GLG1: variants seen among roughly 807,000 people sequenced by gnomAD.
GLG1 encodes Golgi apparatus protein 1.
A neutral mutation model predicts 160.5 loss-of-function variants in GLG1; 38 were observed. The observed-to-expected ratio is 0.24, with a 90% CI of 0.18 to 0.31. The LOEUF (loss-of-function observed/expected upper bound fraction) is 0.31, where lower values mean the gene tolerates loss of function less well. Ranked by LOEUF, GLG1 falls within the 10% of genes least tolerant of loss-of-function variation. The probability of loss-of-function intolerance (pLI) is 1.00; values close to 1 mark genes in which losing one functional copy is unlikely to be tolerated. For synonymous variants in GLG1, 644 were observed against 543.4 expected, an observed-to-expected ratio of 1.19 and a Z score of -2.57; for missense variants, 1,373 against 1,505.2, an observed-to-expected ratio of 0.91 and a Z score of 1.45.
chr16:74,455,247 T>A (rs2014489166), intron 25 of GLG1, among the ~76,000 whole-genome samples: 1 of 152,116 alleles, frequency 6.6e-6, no homozygotes, highest in African/African-American at 2.4e-5. Flanking sequence ...TTCTTTTGCA[T>A]CCCAGCCTGG....
chr16:74,449,268 C>T lies in GLG1; in HGVS notation c.*3899G>A, dbSNP rs1306085448. 2 of 152,194 alleles carry T rather than the reference C, an allele frequency of 1.3e-5. No homozygotes were observed. Among genetic ancestry groups the T allele is most frequent in the Admixed American group, 1.3e-4 (2 of 15,276 alleles). 9.4% of individuals were successfully genotyped at this position (152,194 alleles called of 1,614,324 possible). A position where few individuals can be genotyped will look rare whatever the true frequency, so the allele number is the denominator to read the frequency against. ...GGGAGGAAATGGGAAGGGAAGGCCT[C>T]TTTTCAGTGGCCTCTCCCCAGATGA... On this transcript the variant is annotated 3_prime_UTR_variant, in exon 26 of 26. Coordinates refer to ENST00000422840, the MANE Select transcript of GLG1 (RefSeq NM_001145667.2).
At chr16:74,498,448 G>GTATATATATATATATAAATATATA (rs2016282339) in intron 4 of GLG1, among the ~76,000 whole-genome samples, 1 of 24,038 alleles carries the variant, frequency 4.2e-5, no homozygotes, top group Non-Finnish European at 7.7e-5. Flanking sequence ...AAAAAAAAAA[G>GTATATATATATATATAAATATATA]TATATATATA....
rs758373991 is a variant in GLG1 at position 74,490,986 on chromosome 16, G to C, written c.1449+15C>G. 5.1e-6 allele frequency: 8 copies of C among 1,578,256 alleles called. No homozygotes were observed. The highest frequency in any genetic ancestry group is 1.3e-5 in the African/African-American group (1 of 74,262). ...AAATGTGACATTCAAAATGGCAATA[G>C]CAATGTCTCCTTACCGCCTGCTGGC... On this transcript the variant is annotated intron_variant, in intron 8 of 25. Transcript: ENST00000422840.
chr16:74,561,371 C>T (rs1260466020), intron 1 of GLG1, among the ~76,000 whole-genome samples: 2 of 152,194 alleles, frequency 1.3e-5, no homozygotes, highest in Non-Finnish European at 2.9e-5. Context: ...CTCTTTACAA[C>T]CAAGTAAAAT....
intron 1 of GLG1, among the ~76,000 whole-genome samples, chr16:74,562,240 T>C (rs2018532332): frequency 6.6e-6 from 1 of 152,204 alleles, no homozygotes; most frequent in South Asian, 2.1e-4. Context: ...GCTAACTGAA[T>C]TGACTGGTTG....
chr16:74,514,547 A>G (rs558687315), intron 2 of GLG1, among the ~76,000 whole-genome samples: 28 of 152,352 alleles, frequency 1.8e-4, no homozygotes, highest in African/African-American at 6.3e-4. Context: ...ACTAAGCTTC[A>G]TAAGTGAAGG....
chr16:74,470,892 G>A (rs1182902768), intron 15 of GLG1, among the ~76,000 whole-genome samples: 1 of 152,084 alleles, frequency 6.6e-6, no homozygotes, highest in Non-Finnish European at 1.5e-5. Context: ...GAAACAGCTG[G>A]GATTACAGGT....
chr16:74,466,893 C>G (rs992001386), intron 18 of GLG1, among the ~76,000 whole-genome samples: 1 of 152,180 alleles, frequency 6.6e-6, no homozygotes, highest in African/African-American at 2.4e-5. Context: ...AAGACGGACT[C>G]AGATGCTCCA....
chr16:74,508,852 G>C lies in GLG1; in HGVS notation c.545C>G (p.Ser182Cys), dbSNP rs767297587. The C allele has an allele frequency of 6.8e-7, 1 of 1,480,952 alleles. No homozygotes were observed. The highest frequency in any genetic ancestry group is 9.4e-7 in the Non-Finnish European group (1 of 1,059,832). 91.7% of individuals were successfully genotyped at this position (1,480,952 alleles called of 1,614,324 possible). Reference sequence around the variant, plus strand: ...TTGACAACTTACCTCTGTTATAGTAGATTTGCAAACCTCTCTGGCCACAGA... The same window carrying C: ...TTGACAACTTACCTCTGTTATAGTACATTTGCAAACCTCTCTGGCCACAGA... ...FESVAREVCK[S>C]TITEIKECAD... is the part of the protein sequence containing the mutation. The change falls in exon 3 of 26, where the codon TCT becomes TGT. Residue 182 changes from serine (S) to cysteine (C), a missense_variant. Physicochemically the swap from Ser to Cys is moderately radical, Grantham distance 112. Transcript: ENST00000422840.
At chr16:74,486,049 C>T (rs963888945) in intron 8 of GLG1, 132 bp from the exon 9 acceptor site, 1 of 643,840 alleles carries the variant, frequency 1.6e-6, no homozygotes, top group African/African-American at 1.8e-5. Context: ...ACAGTTGTCA[C>T]TAGCCAAGCT....
chr16:74,604,841 G>A (rs191232476), intron 1 of GLG1, among the ~76,000 whole-genome samples: 3 of 152,282 alleles, frequency 2.0e-5, no homozygotes, highest in East Asian at 3.9e-4. Context: ...ACAAGGTCAG[G>A]AGATCGAGAC....
intron 19 of GLG1, among the ~76,000 whole-genome samples, chr16:74,464,294 GA>G (rs1234847487): frequency 6.6e-6 from 1 of 152,154 alleles, no homozygotes; most frequent in Non-Finnish European, 1.5e-5. Flanking sequence ...CTCTAGTGGG[GA>G]AACCTAGGAA....
chr16:74,518,655 T>C (rs1478176840), intron 2 of GLG1, among the ~76,000 whole-genome samples: 4 of 152,018 alleles, frequency 2.6e-5, no homozygotes, highest in African/African-American at 7.2e-5. Flanking sequence ...GGCAAAGCAA[T>C]GGCACCAAAA....
At chr16:74,472,755 AG>A (rs1032604744) in intron 13 of GLG1, 29 of 404,176 alleles carry the variant, frequency 7.2e-5, no homozygotes, top group African/African-American at 5.0e-4. Context: ...AAATGAAAAC[AG>A]GGGTAACTGA....
At chr16:74,518,304 A>G (rs1394381233) in intron 2 of GLG1, among the ~76,000 whole-genome samples, 1 of 152,184 alleles carries the variant, frequency 6.6e-6, no homozygotes, top group Non-Finnish European at 1.5e-5. Flanking sequence ...GAACTATACT[A>G]CAAGGCTAAA....
intron 1 of GLG1, among the ~76,000 whole-genome samples, chr16:74,569,466 G>C (rs2018758837): frequency 6.6e-6 from 1 of 152,062 alleles, no homozygotes; most frequent in Non-Finnish European, 1.5e-5. Context: ...CACAAACCTG[G>C]AACACATCCA....
At chr16:74,599,781 G>A (rs1373178524) in intron 1 of GLG1, among the ~76,000 whole-genome samples, 1 of 151,622 alleles carries the variant, frequency 6.6e-6, no homozygotes, top group Non-Finnish European at 1.5e-5. Context: ...GGAGAATGGC[G>A]TGAACCCGGG....
intron 1 of GLG1, among the ~76,000 whole-genome samples, chr16:74,554,746 T>G (rs2018306417): frequency 6.6e-6 from 1 of 152,188 alleles, no homozygotes; most frequent in South Asian, 2.1e-4. Flanking sequence ...AATATTCATT[T>G]CCTCAACTTG....
intron 2 of GLG1, among the ~76,000 whole-genome samples, chr16:74,513,028 T>C (rs1294959395): frequency 6.6e-6 from 1 of 152,108 alleles, no homozygotes; most frequent in Non-Finnish European, 1.5e-5. Flanking sequence ...GAGTTCAGAA[T>C]AGCTGGAGTT....
Sources: allele counts gnomAD v4.1 joint callset (sites outside exome capture counted in the v4.1 genomes callset), GRCh38; gene constraint gnomAD v4.1.1; transcripts MANE v1.5; gene names NCBI Gene and HGNC (gene_info 2026-07-23, HGNC 2026-07-21).